The following PLS3 variants were observed in gnomAD, a reference collection of about 807,000 sequenced individuals.
The protein encoded by PLS3 is plastin 3.
In PLS3, 11 loss-of-function variants were observed where a neutral mutation model predicts 46.5. That is an observed-to-expected ratio of 0.24 (90% CI 0.15 to 0.39). The LOEUF is 0.39. Ranked by LOEUF, PLS3 falls within the 10% of genes least tolerant of loss-of-function variation. The pLI, the probability that PLS3 is intolerant of heterozygous loss-of-function variation, is 1.00. For missense variants in PLS3, 308 were observed against 461.8 expected (o/e 0.67, Z 3.05); for synonymous variants, 167 against 162.2 (o/e 1.03, Z -0.22).
intron 2 of PLS3, among the ~76,000 whole-genome samples, chrX:115,621,336 G>A (rs60467577): frequency 0.01 from 1,167 of 112,196 alleles, 12 homozygotes; most frequent in African/African-American, 0.034. Context: ...TCTTAAATGC[G>A]CTAAGGTCAT....
At position 115,594,064 on chromosome X, in the gene PLS3, G is replaced by A. The variant is rs782791528; in HGVS notation, c.-8-16179G>A. ...TGGTTTTTCAAAATTCTGTAAAATGGAGGTTGAGGTGGCTGTCATGACAGA... is the reference window on the plus strand; with the variant it reads ...TGGTTTTTCAAAATTCTGTAAAATGAAGGTTGAGGTGGCTGTCATGACAGA... On this transcript the variant is annotated intron_variant, in intron 1 of 15. Coordinates refer to ENST00000355899, the MANE Select transcript of PLS3 (RefSeq NM_005032.7). Among the ~76,000 whole-genome samples the A allele has an allele frequency of 6.3e-5, 7 of 111,591 alleles. No individual in the cohort carries two copies. The East Asian group carries it at 2.0e-3, about 32-fold the overall frequency.
At chrX:115,604,430 G>T (rs1236837601) in intron 1 of PLS3, among the ~76,000 whole-genome samples, 2 of 111,760 alleles carry the variant, frequency 1.8e-5, no homozygotes, top group Non-Finnish European at 3.8e-5. Context: ...TCTTCATTAG[G>T]ACCTGGGGGA....
At chrX:115,621,934 G>T (rs969905326) in intron 2 of PLS3, 15 of 187,362 alleles carry the variant, frequency 8.0e-5, no homozygotes, top group South Asian at 5.9e-4. Flanking sequence ...CGATCTATTA[G>T]TTCTTTTTTT....
Position 115,586,604 on chromosome X carries a change from G to A in PLS3, c.-8-23639G>A, listed in dbSNP as rs976775875. On this transcript the variant is annotated intron_variant, in intron 1 of 15. Coordinates refer to ENST00000355899, the MANE Select transcript of PLS3 (RefSeq NM_005032.7). ...TGAGGCAGGAGAATCGCTTGAACTC[G>A]GGAGGGGGAGGTTGCAGTGAGCCAA... 8.5e-5 allele frequency among the ~76,000 whole-genome samples: 9 copies of A among 106,414 alleles called. No homozygotes were observed. In the East Asian group the frequency reaches 2.2e-3, roughly 26 times the overall value. 92.4% of individuals were successfully genotyped at this position (106,414 alleles called of 115,157 possible).
At chrX:115,604,238 A>T (rs1004442290) in intron 1 of PLS3, among the ~76,000 whole-genome samples, 1 of 112,092 alleles carries the variant, frequency 8.9e-6, no homozygotes, top group Non-Finnish European at 1.9e-5. Flanking sequence ...GGGAGATGAG[A>T]TAACTTTTCA....
chrX:115,586,944 C>G (rs1235663563), intron 1 of PLS3, among the ~76,000 whole-genome samples: 1 of 112,299 alleles, frequency 8.9e-6, no homozygotes, highest in African/African-American at 3.2e-5. Context: ...AACCTGCATA[C>G]TTTATAGGTT....
chrX:115,573,093 C>CAAAAAAAAAAAAAAAA (rs1163578692), intron 1 of PLS3, among the ~76,000 whole-genome samples: 3 of 30,030 alleles, frequency 1.0e-4, no homozygotes, highest in Non-Finnish European at 1.5e-4. Flanking sequence ...GACTCCGTCT[C>CAAAAAAAAAAAAAAAA]AAAAAAAAAA....
At chrX:115,576,020 C>T (rs2074246522) in intron 1 of PLS3, among the ~76,000 whole-genome samples, 1 of 111,824 alleles carries the variant, frequency 8.9e-6, no homozygotes, top group Admixed American at 9.6e-5. Flanking sequence ...GTTCAATCAA[C>T]CAAAAGCATT....
Position 115,578,527 on chromosome X carries a change from C to A in PLS3, c.-9+17267C>A, listed in dbSNP as rs1178755182. Among the ~76,000 whole-genome samples, 3 of 108,967 alleles carry A rather than the reference C, an allele frequency of 2.8e-5. No individual in the cohort carries two copies. In the East Asian group the frequency reaches 8.7e-4, roughly 32 times the overall value. The allele number at this position is 108,967 out of a possible 115,157, so 94.6% of individuals were successfully genotyped here. A position where few individuals can be genotyped will look rare whatever the true frequency, so the allele number is the denominator to read the frequency against. On this transcript the variant is annotated intron_variant, in intron 1 of 15. Transcript: ENST00000355899. ...GATCACGAGGTTAGGAGATCGAGAC[C>A]ATCCTGGCTAACACGGTGAAACCTC...
At chrX:115,570,691 T>C (rs1288778541) in intron 1 of PLS3, among the ~76,000 whole-genome samples, 2 of 106,739 alleles carry the variant, frequency 1.9e-5, no homozygotes, top group Non-Finnish European at 3.9e-5. Context: ...GTAGTTTGTT[T>C]TTTAGTAGAG....
chrX:115,637,787 A>G lies in PLS3; in HGVS notation c.891+809A>G, dbSNP rs1211764573. On this transcript the variant is annotated intron_variant, in intron 8 of 15. Coordinates refer to ENST00000355899, the MANE Select transcript of PLS3 (RefSeq NM_005032.7). ...TGACCAGCAAGGCTGTGAAAACAATACTATGTGATGATATGATTTTGTTCA... is the reference window on the plus strand; with the variant it reads ...TGACCAGCAAGGCTGTGAAAACAATGCTATGTGATGATATGATTTTGTTCA... Among the ~76,000 whole-genome samples, 4 of 112,038 alleles carry G rather than the reference A, an allele frequency of 3.6e-5. No homozygotes were observed. The East Asian group carries it at 1.1e-3, about 31-fold the overall frequency.
intron 2 of PLS3, among the ~76,000 whole-genome samples, chrX:115,617,111 TGTAGCCCAGTGG>T (rs1181843190): frequency 1.8e-5 from 2 of 111,976 alleles, no homozygotes; most frequent in African/African-American, 3.2e-5. Flanking sequence ...ATCTTTGGTA[TGTAGCCCAGTGG>T]GTGTCTTCCC....
chrX:115,618,300 A>G (rs2074615989), intron 2 of PLS3, among the ~76,000 whole-genome samples: 1 of 112,398 alleles, frequency 8.9e-6, no homozygotes, highest in South Asian at 3.7e-4. Context: ...ACTAGAGTCA[A>G]AGCACAGTGG....
At chrX:115,594,998 G>A (rs1235161200) in intron 1 of PLS3, among the ~76,000 whole-genome samples, 3 of 110,992 alleles carry the variant, frequency 2.7e-5, no homozygotes, top group Non-Finnish European at 3.8e-5. Flanking sequence ...CTTTGGGTTT[G>A]AAATAGTATT....
At chrX:115,576,480 A>G (rs1347569419) in intron 1 of PLS3, among the ~76,000 whole-genome samples, 2 of 111,783 alleles carry the variant, frequency 1.8e-5, no homozygotes, top group Non-Finnish European at 3.8e-5. Flanking sequence ...CTGAGGTGGG[A>G]GGGTTGCTTG....
Position 115,564,847 on chromosome X carries a change from G to T in PLS3, c.-9+3587G>T, listed in dbSNP as rs1426771676. Among the ~76,000 whole-genome samples, 22 of 111,768 alleles carry T rather than the reference G, an allele frequency of 2.0e-4. No homozygotes were observed. The Admixed American group carries it at 2.0e-3, about 10-fold the overall frequency. ...TCTCTCAATACATGACAACAATGGG[G>T]TATCTGTTTTTAGAATCATGTTGTC... On this transcript the variant is annotated intron_variant, in intron 1 of 15. Transcript: ENST00000355899.
intron 7 of PLS3, 114 bp from the exon 8 acceptor site, chrX:115,636,722 G>A: frequency 1.8e-6 from 1 of 560,881 alleles, no homozygotes; most frequent in Non-Finnish European, 2.8e-6. Context: ...TAGGAACTAT[G>A]TCATAGTAGT....
chrX:115,626,336 G>A (rs2074710220), intron 3 of PLS3, among the ~76,000 whole-genome samples: 1 of 107,029 alleles, frequency 9.3e-6, no homozygotes, highest in Non-Finnish European at 1.9e-5. Flanking sequence ...CTAGGCTAGA[G>A]TGCAGTGGCG....
chrX:115,649,866 G>T lies in PLS3; in HGVS notation c.*305G>T. Reference sequence around the variant, plus strand: ...TTCCCATTGCTGTATGTTATTTCTTGCTCTGTTATCTTTTGCCCTCTTAGA... The same window carrying T: ...TTCCCATTGCTGTATGTTATTTCTTTCTCTGTTATCTTTTGCCCTCTTAGA... On this transcript the variant is annotated 3_prime_UTR_variant, in exon 16 of 16. Transcript: ENST00000355899. 1 of 169,489 alleles carries T rather than the reference G, an allele frequency of 5.9e-6. No individual in the cohort carries two copies. Among genetic ancestry groups the T allele is most frequent in the Non-Finnish European group, 1.1e-5 (1 of 87,892 alleles). 14.0% of individuals were successfully genotyped at this position (169,489 alleles called of 1,213,427 possible). A position where few individuals can be genotyped will look rare whatever the true frequency, so the allele number is the denominator to read the frequency against.
Sources: gnomAD v4.1 joint callset for allele counts (sites outside exome capture counted in the v4.1 genomes callset) on GRCh38, gnomAD v4.1.1 for gene constraint, MANE v1.5 for transcripts, NCBI Gene and HGNC (gene_info 2026-07-23, HGNC 2026-07-21) for gene names.